Variants in ADCY2 observed in about 807,000 individuals in gnomAD.
ADCY2 encodes adenylate cyclase 2.
ADCY2 carries 31 observed loss-of-function variants against 125.2 expected under a neutral mutation model. The observed-to-expected ratio is 0.25, with a 90% CI of 0.19 to 0.33. ADCY2 has a LOEUF of 0.33. Among genes scored for constraint, ADCY2 ranks in the 10% least tolerant of loss-of-function variants. ADCY2 has a pLI of 1.00. For missense variants in ADCY2, 904 were observed against 1,418.2 expected, an observed-to-expected ratio of 0.64 and a Z score of 5.82; for synonymous variants, 512 against 548.4, an observed-to-expected ratio of 0.93 and a Z score of 0.93.
chr5:7,692,808 T>C (rs190891766), intron 5 of ADCY2, among the ~76,000 whole-genome samples: 3 of 152,282 alleles, frequency 2.0e-5, no homozygotes, highest in Admixed American at 6.5e-5. Context: ...ATCAAGTCTC[T>C]CCCGTAAATG....
In ADCY2 at chr5:7,575,609, A is replaced by G. The variant is rs552800599; in HGVS notation, c.571-50558A>G. On this transcript the variant is annotated intron_variant, in intron 3 of 24. Transcript: ENST00000338316. ...AGATTTAGGACTTCCTCGGTCCTAA[A>G]TATTCCACAGTCCTAGATCCTCTCT... Among the ~76,000 whole-genome samples, 7 of 152,322 alleles carry G rather than the reference A, an allele frequency of 4.6e-5. No homozygotes were observed. The South Asian group carries it at 1.5e-3, about 32-fold the overall frequency.
chr5:7,546,493 G>A (rs1735151948), intron 3 of ADCY2, among the ~76,000 whole-genome samples: 1 of 152,172 alleles, frequency 6.6e-6, no homozygotes, highest in Non-Finnish European at 1.5e-5. Context: ...TGTGGAAGTG[G>A]CAGAGCTGGA....
intron 2 of ADCY2, among the ~76,000 whole-genome samples, chr5:7,422,708 C>T (rs1740249147): frequency 1.3e-5 from 2 of 152,186 alleles, no homozygotes; most frequent in Admixed American, 1.3e-4. Flanking sequence ...GGAAGGAGAG[C>T]CTTTCTTTGT....
At chr5:7,777,853 A>C (rs1237917552) in intron 18 of ADCY2, among the ~76,000 whole-genome samples, 3 of 152,228 alleles carry the variant, frequency 2.0e-5, no homozygotes, top group Non-Finnish European at 4.4e-5. Context: ...ACTTTTCAGG[A>C]GGAAAAAAAG....
At chr5:7,560,478 T>A (rs10075172) in intron 3 of ADCY2, among the ~76,000 whole-genome samples, 95,608 of 151,928 alleles carry the variant, frequency 0.63, 30,775 homozygotes, top group Non-Finnish European at 0.69. Context: ...CCACTTAAAA[T>A]TGTCTTTATC....
chr5:7,724,481 A>G (rs1741871937), intron 12 of ADCY2, 64 bp from the exon 13 acceptor site: 5 of 1,246,194 alleles, frequency 4.0e-6, no homozygotes, highest in South Asian at 3.7e-5. Context: ...TCATTTTAAA[A>G]AATAGTTCCA....
chr5:7,567,182 G>T (rs1053894905), intron 3 of ADCY2, among the ~76,000 whole-genome samples: 1 of 152,056 alleles, frequency 6.6e-6, no homozygotes, highest in Non-Finnish European at 1.5e-5. Context: ...TTTTATTGCT[G>T]CAGGCTTTGA....
chr5:7,625,801 C>T (rs1190565042), intron 3 of ADCY2, among the ~76,000 whole-genome samples: 2 of 152,176 alleles, frequency 1.3e-5, no homozygotes, highest in Non-Finnish European at 2.9e-5. Context: ...TGTTCTTTTC[C>T]TAATGAGGTG....
intron 20 of ADCY2, chr5:7,795,812 A>T (rs1335353271): frequency 6.6e-6 from 1 of 152,212 alleles, no homozygotes; most frequent in Non-Finnish European, 1.5e-5. Flanking sequence ...GCACATGTGA[A>T]GATTGTTTAC....
chr5:7,755,018 A>C (rs753015100), intron 15 of ADCY2, among the ~76,000 whole-genome samples: 4 of 152,214 alleles, frequency 2.6e-5, no homozygotes, highest in Non-Finnish European at 5.9e-5. Context: ...TGGCTACCTG[A>C]CCCTCTAAGA....
At chr5:7,615,828 G>A (rs954890045) in intron 3 of ADCY2, among the ~76,000 whole-genome samples, 2 of 152,146 alleles carry the variant, frequency 1.3e-5, no homozygotes, top group African/African-American at 2.4e-5. Flanking sequence ...AAACCAGTAC[G>A]ATGCAGATAT....
At chr5:7,760,978 C>T (rs939838502) in intron 16 of ADCY2, among the ~76,000 whole-genome samples, 1 of 152,048 alleles carries the variant, frequency 6.6e-6, no homozygotes, top group Non-Finnish European at 1.5e-5. Context: ...TTTTATTCCA[C>T]GTATGAGATC....
At chr5:7,694,672 A>G (rs993585723) in intron 5 of ADCY2, among the ~76,000 whole-genome samples, 5 of 152,204 alleles carry the variant, frequency 3.3e-5, no homozygotes, top group African/African-American at 1.2e-4. Context: ...TTATTCATCC[A>G]TCTGTCAATG....
At chr5:7,648,238 T>A (rs190622080) in intron 4 of ADCY2, among the ~76,000 whole-genome samples, 12 of 152,336 alleles carry the variant, frequency 7.9e-5, no homozygotes, top group Non-Finnish European at 7.4e-5. Flanking sequence ...TTCCTATCTT[T>A]TCTATCTTGT....
intron 2 of ADCY2, among the ~76,000 whole-genome samples, chr5:7,422,979 A>G (rs1740266757): frequency 6.6e-6 from 1 of 152,176 alleles, no homozygotes; most frequent in African/African-American, 2.4e-5. Flanking sequence ...AATGCAACCT[A>G]GAAAGCCTGT....
intron 3 of ADCY2, among the ~76,000 whole-genome samples, chr5:7,523,363 T>C (rs1744533335): frequency 6.6e-6 from 1 of 151,516 alleles, no homozygotes; most frequent in Non-Finnish European, 1.5e-5. Flanking sequence ...AATTTTTATT[T>C]ACTCAGTTTC....
intron 4 of ADCY2, among the ~76,000 whole-genome samples, chr5:7,652,405 G>A (rs2973322): frequency 0.62 from 93,802 of 152,004 alleles, 29,372 homozygotes; most frequent in Non-Finnish European, 0.65. Context: ...GTTTTCAAGT[G>A]TCAACCGTAA....
chr5:7,775,888 C>G (rs1046527526), intron 18 of ADCY2, among the ~76,000 whole-genome samples: 1 of 152,074 alleles, frequency 6.6e-6, no homozygotes, highest in African/African-American at 2.4e-5. Flanking sequence ...TTAACTGATG[C>G]GATAGCAGAA....
rs1228324892 is a variant in ADCY2 at position 7,709,418 on chromosome 5, C to T, written c.1578+31C>T. On this transcript the variant is annotated intron_variant, in intron 10 of 24. Transcript: ENST00000338316. The surrounding 1 kb of genome is among the most constrained non-coding windows in gnomAD (Gnocchi z 4.4). ...CCCTCCCCTGCCTCCAATGCCTGAG[C>T]ACTGGGGGAAAGCTAACTTCCCAAA... 6.5e-7 allele frequency: 1 copy of T among 1,527,106 alleles called. No individual in the cohort carries two copies. The highest frequency in any genetic ancestry group is 8.8e-7 in the Non-Finnish European group (1 of 1,137,766). 94.6% of individuals were successfully genotyped at this position (1,527,106 alleles called of 1,614,324 possible). A position where few individuals can be genotyped will look rare whatever the true frequency, so the allele number is the denominator to read the frequency against.
Sources: gnomAD v4.1 joint callset for allele counts (sites outside exome capture counted in the v4.1 genomes callset) on GRCh38, gnomAD v4.1.1 for gene constraint, Gnocchi (gnomAD v3.1) non-coding constraint, MANE v1.5 for transcripts, NCBI Gene and HGNC (gene_info 2026-07-23, HGNC 2026-07-21) for gene names.